ANXA8: variants seen among roughly 807,000 people sequenced by gnomAD.
The protein encoded by ANXA8 is annexin A8.
A neutral mutation model predicts 26.8 loss-of-function variants in ANXA8; 9 were observed. The observed-to-expected ratio is 0.34, with a 90% CI of 0.20 to 0.59. The LOEUF (loss-of-function observed/expected upper bound fraction) is 0.59. Ranked by LOEUF, ANXA8 falls within the 20% of genes least tolerant of loss-of-function variation. The pLI is 0.84. For synonymous variants in ANXA8, 39 were observed against 94.8 expected (o/e 0.41, Z 3.42); for missense variants, 83 against 238.5 (o/e 0.35, Z 4.29).
At chr10:47,554,217 G>A in the ANXA8 span, among the ~76,000 whole-genome samples, 45 of 140,752 alleles carry the variant, frequency 3.2e-4, no homozygotes, top group Non-Finnish European at 6.1e-4. Context: ...CTACTCTGGA[G>A]GCTGAGGCGG....
At chr10:47,952,677 G>A in the ANXA8 span, among the ~76,000 whole-genome samples, 1 of 146,940 alleles carries the variant, frequency 6.8e-6, no homozygotes, top group African/African-American at 2.6e-5. Flanking sequence ...AAATAATCTA[G>A]AATAATCAAA....
the ANXA8 span, among the ~76,000 whole-genome samples, chr10:47,928,980 G>T: frequency 8.5e-6 from 1 of 117,748 alleles, no homozygotes; most frequent in African/African-American, 3.3e-5. Context: ...TCCCTATGTT[G>T]TCCAGGCTGG....
the ANXA8 span, among the ~76,000 whole-genome samples, chr10:47,976,394 G>A: frequency 5.3e-5 from 8 of 151,418 alleles, no homozygotes; most frequent in African/African-American, 1.9e-4. Flanking sequence ...TCTTTTCCAA[G>A]CTCTATGATA....
At chr10:47,555,815 A>G in the ANXA8 span, among the ~76,000 whole-genome samples, 1 of 152,110 alleles carries the variant, frequency 6.6e-6, no homozygotes, top group African/African-American at 2.4e-5. Context: ...AAACCCACAC[A>G]TTTGGTTTCA....
chr10:47,954,678 C>T, the ANXA8 span, among the ~76,000 whole-genome samples: 1 of 150,718 alleles, frequency 6.6e-6, no homozygotes. Flanking sequence ...AATATATACA[C>T]CTACTATGTA....
the ANXA8 span, among the ~76,000 whole-genome samples, chr10:47,521,759 T>C: frequency 6.6e-6 from 1 of 151,374 alleles, no homozygotes; most frequent in Non-Finnish European, 1.5e-5. Flanking sequence ...GCCAACAGTG[T>C]AGAGACTAAA....
At chr10:47,958,087 C>T in the ANXA8 span, among the ~76,000 whole-genome samples, 24,619 of 143,694 alleles carry the variant, frequency 0.17, 74 homozygotes, top group Non-Finnish European at 0.25. Context: ...CAACCCACTC[C>T]AGGATTTTAA....
the ANXA8 span, among the ~76,000 whole-genome samples, chr10:47,954,238 C>T: frequency 6.6e-6 from 1 of 150,674 alleles, no homozygotes; most frequent in Non-Finnish European, 1.5e-5. Context: ...CTGTCATTTA[C>T]AACAACATGG....
At chr10:47,510,915 TATTAATTA>T in the ANXA8 span, among the ~76,000 whole-genome samples, 2 of 131,082 alleles carry the variant, frequency 1.5e-5, no homozygotes, top group African/African-American at 2.9e-5. Context: ...CAAGAATTTC[TATTAATTA>T]ATTAATTAAT....
the ANXA8 span, among the ~76,000 whole-genome samples, chr10:47,703,731 G>T: frequency 6.6e-6 from 1 of 150,590 alleles, no homozygotes; most frequent in African/African-American, 2.4e-5. Flanking sequence ...ATCTCCCCAG[G>T]ATACCAGCTT....
At chr10:47,624,134 C>T in the ANXA8 span, among the ~76,000 whole-genome samples, 1 of 99,784 alleles carries the variant, frequency 1.0e-5, no homozygotes, top group African/African-American at 4.1e-5. Flanking sequence ...CCCAGCTACT[C>T]GGGAGGCTGA....
At chr10:47,941,646 G>GAA in the ANXA8 span, among the ~76,000 whole-genome samples, 26 of 140,618 alleles carry the variant, frequency 1.8e-4, 4 homozygotes, top group African/African-American at 6.1e-4. Context: ...CTCAAAAAAA[G>GAA]AAAAAAAAAA....
chr10:47,971,003 G>A, the ANXA8 span, among the ~76,000 whole-genome samples: 1 of 151,402 alleles, frequency 6.6e-6, no homozygotes, highest in African/African-American at 2.4e-5. Context: ...GAGGCCAGCA[G>A]GTGGAATCCT....
chr10:47,767,392 C>T, the ANXA8 span, among the ~76,000 whole-genome samples: 1 of 152,242 alleles, frequency 6.6e-6, no homozygotes, highest in Non-Finnish European at 1.5e-5. Flanking sequence ...TGTGTCTCCT[C>T]CTGCAGACAG....
the ANXA8 span, among the ~76,000 whole-genome samples, chr10:47,677,079 T>G: frequency 6.8e-6 from 1 of 146,960 alleles, no homozygotes; most frequent in African/African-American, 2.6e-5. Context: ...AAAGACTTTT[T>G]GGACATATCA....
At chr10:47,485,706 G>T (rs1200250992), upstream of ANXA8, among the ~76,000 whole-genome samples, 1 of 151,896 alleles carries the variant, frequency 6.6e-6, no homozygotes, top group Non-Finnish European at 1.5e-5. Flanking sequence ...GCTACTTAAA[G>T]ATATGTTTAA....
the ANXA8 span, among the ~76,000 whole-genome samples, chr10:47,735,685 T>G: frequency 6.6e-6 from 1 of 151,532 alleles, no homozygotes; most frequent in South Asian, 2.1e-4. Context: ...GTTAACCAGG[T>G]TGGAGTGCAG....
At chr10:47,730,647 C>T in the ANXA8 span, among the ~76,000 whole-genome samples, 1 of 151,822 alleles carries the variant, frequency 6.6e-6, no homozygotes, top group Non-Finnish European at 1.5e-5. Context: ...TTCTTCCTTT[C>T]TTCTGGAGAA....
upstream of ANXA8, among the ~76,000 whole-genome samples, chr10:47,489,038 G>T: frequency 7.2e-6 from 1 of 139,178 alleles, no homozygotes; most frequent in Non-Finnish European, 1.5e-5. Flanking sequence ...TTTTTTTTGA[G>T]ACCGAGTCTT....
Sources: allele counts gnomAD v4.1 joint callset (sites outside exome capture counted in the v4.1 genomes callset), GRCh38; gene constraint gnomAD v4.1.1; transcripts MANE v1.5; gene names NCBI Gene and HGNC (gene_info 2026-07-23, HGNC 2026-07-21).